Variants in ADAMTS16 observed in about 807,000 individuals in gnomAD.
ADAMTS16 encodes the protein ADAM metallopeptidase with thrombospondin type 1 motif 16, also known as A disintegrin and metalloproteinase with thrombospondin motifs 16.
A neutral mutation model predicts 145.8 loss-of-function variants in ADAMTS16; 94 were observed. That is an observed-to-expected ratio of 0.64 (90% CI 0.55 to 0.77). The LOEUF (loss-of-function observed/expected upper bound fraction) is 0.77, where lower values mean the gene tolerates loss of function less well. Among genes scored for constraint, ADAMTS16 ranks in the 30% least tolerant of loss-of-function variants. The pLI is 0.00. For missense variants in ADAMTS16, 1,585 were observed against 1,591.5 expected (o/e 1.00, Z 0.07); for synonymous variants, 659 against 604.3 (o/e 1.09, Z -1.33).
chr5:5,283,894 C>T (rs983034000), intron 18 of ADAMTS16, among the ~76,000 whole-genome samples: 1 of 152,142 alleles, frequency 6.6e-6, no homozygotes, highest in Non-Finnish European at 1.5e-5. Context: ...GTATTCTTTA[C>T]TGGTCTGGTG....
intron 10 of ADAMTS16, among the ~76,000 whole-genome samples, chr5:5,215,870 G>GTGTGTGTA (rs1260354840): frequency 4.1e-4 from 42 of 101,588 alleles, no homozygotes; most frequent in South Asian, 1.2e-3. Flanking sequence ...GTGTGTATGT[G>GTGTGTGTA]TATATATATA....
chr5:5,187,487 C>A (rs1263268660), intron 5 of ADAMTS16, among the ~76,000 whole-genome samples: 1 of 152,208 alleles, frequency 6.6e-6, no homozygotes, highest in Non-Finnish European at 1.5e-5. Context: ...GGAACCCTTA[C>A]CAACCCACAG....
intron 9 of ADAMTS16, among the ~76,000 whole-genome samples, chr5:5,208,702 G>A (rs1298716024): frequency 1.3e-5 from 2 of 152,148 alleles, no homozygotes; most frequent in African/African-American, 2.4e-5. Flanking sequence ...TTGAAATAGA[G>A]TATGTTTTAT....
intron 18 of ADAMTS16, among the ~76,000 whole-genome samples, chr5:5,276,710 G>C (rs1443644590): frequency 6.6e-6 from 1 of 152,136 alleles, no homozygotes; most frequent in Non-Finnish European, 1.5e-5. Context: ...TCACACAGTG[G>C]GGCTGCTTGC....
intron 11 of ADAMTS16, among the ~76,000 whole-genome samples, chr5:5,226,279 G>C (rs1338829084): frequency 1.3e-5 from 2 of 152,164 alleles, no homozygotes; most frequent in Non-Finnish European, 2.9e-5. Context: ...GGGAGGCCTC[G>C]CAATCATGGT....
At chr5:5,207,533 T>G (rs1179536986) in intron 9 of ADAMTS16, among the ~76,000 whole-genome samples, 2 of 152,204 alleles carry the variant, frequency 1.3e-5, no homozygotes, top group Admixed American at 6.5e-5. Flanking sequence ...TTATGTAATA[T>G]TCTTGCTTTA....
chr5:5,231,090 C>G (rs1268530974), intron 11 of ADAMTS16, among the ~76,000 whole-genome samples: 1 of 152,130 alleles, frequency 6.6e-6, no homozygotes, highest in Non-Finnish European at 1.5e-5. Context: ...CACTCCTGTC[C>G]CCACACCTGT....
chr5:5,164,505 A>T (rs991322291), intron 3 of ADAMTS16, among the ~76,000 whole-genome samples: 1 of 152,100 alleles, frequency 6.6e-6, no homozygotes, highest in African/African-American at 2.4e-5. Context: ...CTGCACTGTT[A>T]GACTGATTCT....
chr5:5,204,346 C>T (rs1736034894), intron 9 of ADAMTS16, among the ~76,000 whole-genome samples: 3 of 152,100 alleles, frequency 2.0e-5, no homozygotes, highest in African/African-American at 7.2e-5. Flanking sequence ...GAAATATATA[C>T]AGAAAAGTAC....
intron 18 of ADAMTS16, among the ~76,000 whole-genome samples, chr5:5,263,000 T>C (rs1738088742): frequency 6.6e-6 from 1 of 152,230 alleles, no homozygotes; most frequent in South Asian, 2.1e-4. Context: ...AAGTGGACAT[T>C]CTTAGAATGG....
At chr5:5,168,997 T>C (rs1189035573) in intron 3 of ADAMTS16, among the ~76,000 whole-genome samples, 1 of 151,666 alleles carries the variant, frequency 6.6e-6, no homozygotes, top group Non-Finnish European at 1.5e-5. Context: ...TTACGTATCC[T>C]ACCTCATACC....
At chr5:5,263,296 A>C (rs902864399) in intron 18 of ADAMTS16, among the ~76,000 whole-genome samples, 13 of 152,154 alleles carry the variant, frequency 8.5e-5, no homozygotes, top group Admixed American at 5.9e-4. Context: ...GGAGTTCCTA[A>C]ACCCAAGCTC....
intron 18 of ADAMTS16, among the ~76,000 whole-genome samples, chr5:5,302,013 C>T (rs1274733441): frequency 1.3e-5 from 2 of 152,190 alleles, no homozygotes; most frequent in Non-Finnish European, 2.9e-5. Context: ...GAATGGAAAT[C>T]ATCAAGTCCT....
At chr5:5,210,663 A>G (rs1407956236) in intron 10 of ADAMTS16, among the ~76,000 whole-genome samples, 2 of 152,186 alleles carry the variant, frequency 1.3e-5, no homozygotes, top group Non-Finnish European at 2.9e-5. Context: ...AGTAAATTGT[A>G]TAATATTTCA....
intron 11 of ADAMTS16, among the ~76,000 whole-genome samples, chr5:5,230,601 C>A (rs1030857166): frequency 6.6e-6 from 1 of 152,142 alleles, no homozygotes; most frequent in Non-Finnish European, 1.5e-5. Flanking sequence ...TCAAGGGCTC[C>A]TGTACTATTT....
chr5:5,235,080 A>G lies in ADAMTS16; in HGVS notation c.1917A>G (p.Lys639=). The G allele has an allele frequency of 6.2e-7, 1 of 1,606,134 alleles. No individual in the cohort carries two copies. The highest frequency in any genetic ancestry group is 1.3e-5 in the African/African-American group (1 of 74,912). Residue 639 remains lysine (K), a synonymous_variant, in exon 13 of 23, where the codon AAA becomes AAG. Transcript: ENST00000274181. ...CTCTGAAGCTCTGCAACAGTCAGAA[A>G]TGTCCCCGGGACAGTGTTGACTTCC... ...TRTLKLCNSQ[K]CPRDSVDFRA...
chr5:5,192,357 C>T (rs1735684808), intron 8 of ADAMTS16, among the ~76,000 whole-genome samples: 1 of 152,260 alleles, frequency 6.6e-6, no homozygotes, highest in African/African-American at 2.4e-5. Context: ...GATCTCATTC[C>T]ATGGTTAGCT....
At chr5:5,276,877 G>GAAA (rs35093321) in intron 18 of ADAMTS16, among the ~76,000 whole-genome samples, 1 of 150,744 alleles carries the variant, frequency 6.6e-6, no homozygotes. Context: ...GAAGGAAAAT[G>GAAA]AAAAAAAAAA....
chr5:5,199,034 C>G (rs951640786), intron 8 of ADAMTS16, among the ~76,000 whole-genome samples: 1 of 152,152 alleles, frequency 6.6e-6, no homozygotes, highest in Non-Finnish European at 1.5e-5. Flanking sequence ...CTTAGCTCTG[C>G]AAGAATGTAT....
Sources: allele counts gnomAD v4.1 joint callset (sites outside exome capture counted in the v4.1 genomes callset), GRCh38; gene constraint gnomAD v4.1.1; transcripts MANE v1.5; gene names NCBI Gene and HGNC (gene_info 2026-07-23, HGNC 2026-07-21).